The following SYCP2L variants were observed in gnomAD, a reference collection of about 807,000 sequenced individuals.
The protein encoded by SYCP2L is synaptonemal complex protein 2 like, also known as synaptonemal complex protein 2-like.
A neutral mutation model predicts 125.8 loss-of-function variants in SYCP2L; 98 were observed. The ratio of observed to expected loss-of-function variants is 0.78; its 90% CI spans 0.66 to 0.92. SYCP2L has a LOEUF of 0.92. Ranked by LOEUF, SYCP2L falls within the 40% of genes least tolerant of loss-of-function variation. The probability of loss-of-function intolerance (pLI) is 0.00; values close to 1 mark genes in which losing one functional copy is unlikely to be tolerated. For synonymous variants in SYCP2L, 317 were observed against 325.4 expected (o/e 0.97, Z 0.28); for missense variants, 842 against 936.4 (o/e 0.90, Z 1.32).
chr6:10,888,159 T>C (rs1259039919), intron 1 of SYCP2L, among the ~76,000 whole-genome samples: 1 of 133,904 alleles, frequency 7.5e-6, no homozygotes, highest in African/African-American at 2.8e-5. Context: ...TGCAGTGGCG[T>C]GATCTTGGCT....
intron 21 of SYCP2L, 138 bp downstream of exon 21, chr6:10,935,325 T>C: frequency 1.1e-6 from 1 of 903,428 alleles, no homozygotes; most frequent in Non-Finnish European, 1.6e-6. Context: ...TAATGTCTCT[T>C]ATTAGCAAAT....
intron 25 of SYCP2L, 138 bp from the exon 26 acceptor site, chr6:10,958,646 C>T (rs1425764677): frequency 2.7e-6 from 2 of 740,694 alleles, no homozygotes; most frequent in Non-Finnish European, 4.4e-6. Flanking sequence ...TAGGATGATG[C>T]CTGATCACAC....
rs771964620 is a variant in SYCP2L at position 10,930,362 on chromosome 6, G to A, written c.1489-8G>A. 1.2e-6 allele frequency: 2 copies of A among 1,610,028 alleles called. No homozygotes were observed. Among genetic ancestry groups the A allele is most frequent in the Non-Finnish European group, 1.7e-6 (2 of 1,178,934 alleles). On this transcript the variant is annotated splice_polypyrimidine_tract_variant and splice_region_variant and intron_variant, in intron 18 of 29. Transcript: ENST00000283141. ...CTAAAAATTCTCATTTATGATCTGTGCTTGTAGAAGTCTCATTACAGAAAA... is the reference window on the plus strand; with the variant it reads ...CTAAAAATTCTCATTTATGATCTGTACTTGTAGAAGTCTCATTACAGAAAA...
chr6:10,913,386 G>A (rs1317578359), intron 14 of SYCP2L, among the ~76,000 whole-genome samples: 2 of 152,148 alleles, frequency 1.3e-5, no homozygotes, highest in East Asian at 1.9e-4. Flanking sequence ...CCCCCTCTAC[G>A]GAGATGGATT....
intron 10 of SYCP2L, among the ~76,000 whole-genome samples, chr6:10,908,970 A>G (rs1780556111): frequency 6.6e-6 from 1 of 152,246 alleles, no homozygotes; most frequent in African/African-American, 2.4e-5. Context: ...TGAAAGGTCC[A>G]GGGCTGTTGT....
intron 4 of SYCP2L, among the ~76,000 whole-genome samples, chr6:10,895,968 C>T (rs560525092): frequency 2.1e-4 from 32 of 152,238 alleles, no homozygotes; most frequent in African/African-American, 7.2e-4. Context: ...GCCTTGCCAA[C>T]ATGGTGAAAC....
In SYCP2L at chr6:10,898,018, C is replaced by T. The variant is rs201726876; in HGVS notation, c.344C>T (p.Ser115Phe). The stretch of plus-strand genomic sequence containing the variant: ...TAGTGTCCTCCTGTGTACCTAGTTT[C>T]CTGGTTTGAAAGAACAACAGGAATT... ...IRQGLIPKLV[S>F]WFERTTGILT... Residue 115 changes from serine to phenylalanine, a missense_variant, in exon 5 of 30, where the codon TCC becomes TTC. Ser to Phe is a radical substitution (Grantham distance 155, BLOSUM62 -2). Coordinates refer to ENST00000283141, the MANE Select transcript of SYCP2L (RefSeq NM_001040274.3). 2 of 1,613,332 alleles carry T rather than the reference C, an allele frequency of 1.2e-6. No individual in the cohort carries two copies. Among genetic ancestry groups the T allele is most frequent in the Admixed American group, 3.3e-5 (2 of 60,008 alleles).
chr6:10,932,239 A>G lies in SYCP2L; in HGVS notation c.1683+750A>G, dbSNP rs183004069. Among the ~76,000 whole-genome samples, 928 of 152,264 alleles carry G rather than the reference A, an allele frequency of 6.1e-3. 7 individuals are homozygous for G. The highest frequency in any genetic ancestry group is 9.3e-3 in the Non-Finnish European group (631 of 68,024). On this transcript the variant is annotated intron_variant, in intron 20 of 29. Transcript: ENST00000283141. Reference sequence around the variant, plus strand: ...TATATAAATATTGAATAAACCCTCAAAGTTTCTTCATTTCCCTTCACTTAT... The same window carrying G: ...TATATAAATATTGAATAAACCCTCAGAGTTTCTTCATTTCCCTTCACTTAT...
chr6:10,926,313 A>G lies in SYCP2L; in HGVS notation c.1219-26A>G, dbSNP rs184850319. 1.0e-4 allele frequency: 157 copies of G among 1,565,644 alleles called. No individual in the cohort carries two copies. In the African/African-American group the frequency reaches 1.8e-3, roughly 18 times the overall value. On this transcript the variant is annotated intron_variant, in intron 15 of 29. Coordinates refer to ENST00000283141, the MANE Select transcript of SYCP2L (RefSeq NM_001040274.3). ...TTTTTTTAAAGATGACTACATTTCA[A>G]AGTTGACCTTTGTCTTGCATTTCAG...
chr6:10,970,995 G>C lies in SYCP2L; in HGVS notation c.*38-2957G>C, dbSNP rs1358998515. Among the ~76,000 whole-genome samples the C allele has an allele frequency of 2.0e-5, 3 of 152,276 alleles. No homozygotes were observed. In the South Asian group the frequency reaches 6.2e-4, roughly 32 times the overall value. On this transcript the variant is annotated intron_variant, in intron 29 of 29. Coordinates refer to ENST00000283141, the MANE Select transcript of SYCP2L (RefSeq NM_001040274.3). ...GATCAAGTGTGGAGATAACTGGGCTGGGGGAAGGCGGTTACCGAGGATCAG... is the reference window on the plus strand; with the variant it reads ...GATCAAGTGTGGAGATAACTGGGCTCGGGGAAGGCGGTTACCGAGGATCAG...
chr6:10,913,762 T>C (rs1023344370), intron 14 of SYCP2L, among the ~76,000 whole-genome samples: 3 of 152,214 alleles, frequency 2.0e-5, no homozygotes, highest in African/African-American at 7.2e-5. Flanking sequence ...TTGCATTTGC[T>C]TTTGGTTTTT....
intron 25 of SYCP2L, among the ~76,000 whole-genome samples, chr6:10,957,023 C>CT (rs1335896615): frequency 1.3e-5 from 2 of 151,940 alleles, no homozygotes; most frequent in Non-Finnish European, 2.9e-5. Flanking sequence ...GAGATAGGGT[C>CT]TTTCTATGTT....
At chr6:10,902,849 A>G (rs1344423971) in intron 7 of SYCP2L, 26 bp from the exon 8 acceptor site, 3 of 1,613,278 alleles carry the variant, frequency 1.9e-6, no homozygotes, top group Non-Finnish European at 2.5e-6. Context: ...TTTCTTCTCC[A>G]TGAATGTCTT....
At chr6:10,922,458 CTA>C (rs994797936) in intron 14 of SYCP2L, among the ~76,000 whole-genome samples, 3 of 149,194 alleles carry the variant, frequency 2.0e-5, no homozygotes, top group Non-Finnish European at 4.4e-5. Context: ...GCCCAGTTAG[CTA>C]GTTACTTTTT....
At chr6:10,955,492 C>T (rs998835487) in intron 24 of SYCP2L, among the ~76,000 whole-genome samples, 1 of 152,134 alleles carries the variant, frequency 6.6e-6, no homozygotes, top group African/African-American at 2.4e-5. Flanking sequence ...AGTTATAGGT[C>T]TCTGATATGG....
At chr6:10,926,213 A>G in intron 15 of SYCP2L, 126 bp from the exon 16 acceptor site, 1 of 716,368 alleles carries the variant, frequency 1.4e-6, no homozygotes, top group South Asian at 1.7e-5. Context: ...AGGAGAGGAC[A>G]AACTGGTAAA....
At chr6:10,962,424 CTG>C (rs1364028833) in intron 28 of SYCP2L, among the ~76,000 whole-genome samples, 3 of 152,152 alleles carry the variant, frequency 2.0e-5, no homozygotes, top group Non-Finnish European at 1.5e-5. Flanking sequence ...CCATCTCCCT[CTG>C]TGTATAGTTA....
intron 4 of SYCP2L, among the ~76,000 whole-genome samples, chr6:10,895,445 T>A (rs1321079060): frequency 6.6e-6 from 1 of 152,154 alleles, no homozygotes; most frequent in Non-Finnish European, 1.5e-5. Flanking sequence ...ATTTCCTTTT[T>A]TTCTTTTTAG....
At chr6:10,902,442 CAA>C (rs1780394018) in intron 6 of SYCP2L, among the ~76,000 whole-genome samples, 3 of 152,056 alleles carry the variant, frequency 2.0e-5, no homozygotes, top group Admixed American at 6.6e-5. Flanking sequence ...GATTTGGTTT[CAA>C]AAAAGTCACC....
Sources: gnomAD v4.1 joint callset for allele counts (sites outside exome capture counted in the v4.1 genomes callset) on GRCh38, gnomAD v4.1.1 for gene constraint, MANE v1.5 for transcripts, NCBI Gene and HGNC (gene_info 2026-07-23, HGNC 2026-07-21) for gene names.